TEX11: variants seen among roughly 807,000 people sequenced by gnomAD.
TEX11 encodes testis-expressed protein 11.
In TEX11, 7 loss-of-function variants were observed where a neutral mutation model predicts 84.4. The ratio of observed to expected loss-of-function variants is 0.08; its 90% CI spans 0.05 to 0.16. The LOEUF (loss-of-function observed/expected upper bound fraction) is 0.16. Among genes scored for constraint, TEX11 ranks in the 10% least tolerant of loss-of-function variants. The probability of loss-of-function intolerance (pLI) is 1.00; values close to 1 mark genes in which losing one functional copy is unlikely to be tolerated. For missense variants in TEX11, 551 were observed against 660.5 expected, an observed-to-expected ratio of 0.83 and a Z score of 1.82; for synonymous variants, 264 against 222.8, an observed-to-expected ratio of 1.18 and a Z score of -1.64.
Position 70,564,235 on chromosome X carries a change from A to G in TEX11, c.2141-9435T>C, listed in dbSNP as rs781718174. 1.5e-3 allele frequency among the ~76,000 whole-genome samples: 171 copies of G among 111,796 alleles called. 1 individual carries two copies. Among genetic ancestry groups the G allele is most frequent in the African/African-American group, 5.5e-3 (168 of 30,820 alleles). On this transcript the variant is annotated intron_variant, in intron 25 of 29. Transcript: ENST00000374333. The stretch of plus-strand genomic sequence containing the variant: ...CAGAGTGAGACTTCATCTCAAAAAA[A>G]CAAAAACAAAAACAAACAAACAAAA...
rs191831177 is a variant in TEX11 at position 70,595,558 on chromosome X, T to A, written c.2068-3735A>T. Among the ~76,000 whole-genome samples the A allele has an allele frequency of 2.7e-5, 3 of 111,765 alleles. No homozygotes were observed. The East Asian group carries it at 8.4e-4, about 31-fold the overall frequency. On this transcript the variant is annotated intron_variant, in intron 24 of 29. Coordinates refer to ENST00000374333, the MANE Select transcript of TEX11 (RefSeq NM_031276.3). ...CTATATCTCACTGAAATTGGGTTTA[T>A]AATCTGATGTAGATTCTGATAAATT...
At chrX:70,903,783 T>G (rs1434734721) in intron 2 of TEX11, among the ~76,000 whole-genome samples, 2 of 109,236 alleles carry the variant, frequency 1.8e-5, no homozygotes, top group East Asian at 6.0e-4. Flanking sequence ...TTACATTTAT[T>G]TAGCCCCAGT....
intron 11 of TEX11, among the ~76,000 whole-genome samples, chrX:70,731,966 G>C (rs985204423): frequency 8.9e-6 from 1 of 111,883 alleles, no homozygotes; most frequent in Non-Finnish European, 1.9e-5. Flanking sequence ...TGATCAAGTG[G>C]ACTTCATCCC....
At chrX:70,572,291 C>T (rs1266717753) in intron 25 of TEX11, among the ~76,000 whole-genome samples, 2 of 111,572 alleles carry the variant, frequency 1.8e-5, no homozygotes, top group Non-Finnish European at 3.8e-5. Flanking sequence ...CAAATCAAAA[C>T]CACAATGAGA....
intron 28 of TEX11, among the ~76,000 whole-genome samples, chrX:70,551,488 C>T (rs2088213261): frequency 9.0e-6 from 1 of 111,078 alleles, no homozygotes; most frequent in Non-Finnish European, 1.9e-5. Context: ...ACCAAAAAAT[C>T]TCATGTACCC....
chrX:70,608,974 A>T (rs1316802128), intron 22 of TEX11, 117 bp downstream of exon 22: 6 of 545,575 alleles, frequency 1.1e-5, no homozygotes, highest in Non-Finnish European at 1.7e-5. Flanking sequence ...AATAAAACAG[A>T]TTAAGCAAGT....
At chrX:70,585,775 G>A (rs867906499) in intron 25 of TEX11, among the ~76,000 whole-genome samples, 1 of 112,522 alleles carries the variant, frequency 8.9e-6, no homozygotes, top group Admixed American at 9.4e-5. Flanking sequence ...TCTTCAGGCC[G>A]GGTGTGGTGG....
intron 8 of TEX11, among the ~76,000 whole-genome samples, chrX:70,818,697 C>T (rs773367223): frequency 9.0e-6 from 1 of 110,568 alleles, no homozygotes; most frequent in Admixed American, 9.7e-5. Context: ...ACTCCCTAGC[C>T]CTAGAACCAC....
chrX:70,666,794 C>T (rs1314491397), intron 16 of TEX11, among the ~76,000 whole-genome samples: 2 of 111,641 alleles, frequency 1.8e-5, no homozygotes, highest in South Asian at 7.6e-4. Flanking sequence ...CTTTAAATAC[C>T]CTAGGGCCTT....
intron 13 of TEX11, among the ~76,000 whole-genome samples, chrX:70,695,024 G>GGAGGTGT (rs941220189): frequency 3.3e-4 from 37 of 111,803 alleles, no homozygotes; most frequent in Non-Finnish European, 6.4e-4. Flanking sequence ...TCCTAACACT[G>GGAGGTGT]CCACATTGGA....
At chrX:70,836,109 C>CAAA (rs35496948) in intron 7 of TEX11, among the ~76,000 whole-genome samples, 3 of 74,004 alleles carry the variant, frequency 4.1e-5, no homozygotes, top group Non-Finnish European at 7.6e-5. Flanking sequence ...GACTCTGTCT[C>CAAA]AAAAAAAAAA....
chrX:70,628,085 C>T (rs956266582), intron 18 of TEX11, among the ~76,000 whole-genome samples: 1 of 110,319 alleles, frequency 9.1e-6, no homozygotes, highest in Non-Finnish European at 1.9e-5. Context: ...AAAAATTAGT[C>T]AGGTGTGGCT....
At chrX:70,743,871 AACACACACAC>A (rs60520158) in intron 10 of TEX11, among the ~76,000 whole-genome samples, 1,244 of 87,699 alleles carry the variant, frequency 0.014, 14 homozygotes, top group African/African-American at 0.046. Context: ...TCTATCTCAA[AACACACACAC>A]ACACACACAC....
intron 25 of TEX11, among the ~76,000 whole-genome samples, chrX:70,558,531 A>T (rs1317454323): frequency 8.9e-6 from 1 of 112,292 alleles, no homozygotes; most frequent in Non-Finnish European, 1.9e-5. Context: ...CTTAGATATG[A>T]TATCAAAAGC....
intron 7 of TEX11, among the ~76,000 whole-genome samples, chrX:70,848,815 TA>T (rs1239473168): frequency 9.0e-6 from 1 of 111,527 alleles, no homozygotes; most frequent in Non-Finnish European, 1.9e-5. Flanking sequence ...TCATAGTCTT[TA>T]TAGGTAAGCT....
intron 28 of TEX11, among the ~76,000 whole-genome samples, chrX:70,541,259 T>C (rs1241070984): frequency 1.8e-5 from 2 of 111,618 alleles, no homozygotes; most frequent in Admixed American, 9.6e-5. Context: ...TTTGATCACA[T>C]TTATATGACA....
At chrX:70,779,488 C>T (rs962376948) in intron 9 of TEX11, among the ~76,000 whole-genome samples, 8 of 105,681 alleles carry the variant, frequency 7.6e-5, no homozygotes, top group African/African-American at 1.7e-4. Context: ...AAATAAACAA[C>T]GTTGCTCCTC....
chrX:70,739,275 T>C lies in TEX11; in HGVS notation c.843+1426A>G, dbSNP rs59827464. On this transcript the variant is annotated intron_variant, in intron 11 of 29. Transcript: ENST00000374333. ...AATGCTCTGTTTGACAAATTTAACA[T>C]TCTGGTTGATCGAGCTATTCATTTT... Among the ~76,000 whole-genome samples the C allele has an allele frequency of 1.5e-4, 17 of 111,314 alleles. No individual in the cohort carries two copies. The East Asian group carries it at 2.8e-3, about 18-fold the overall frequency.
chrX:70,692,355 C>CTACATTGTACAGATCTG (rs2090242816), intron 13 of TEX11, among the ~76,000 whole-genome samples: 1 of 111,411 alleles, frequency 9.0e-6, no homozygotes, highest in Non-Finnish European at 1.9e-5. Context: ...GCTGCAGGCA[C>CTACATTGTACAGATCTG]TACATTGTAC....
Sources: allele counts gnomAD v4.1 joint callset (sites outside exome capture counted in the v4.1 genomes callset), GRCh38; gene constraint gnomAD v4.1.1; transcripts MANE v1.5; gene names NCBI Gene and HGNC (gene_info 2026-07-23, HGNC 2026-07-21).